Variants in MSI2 observed in about 807,000 individuals in gnomAD.
MSI2 encodes the protein musashi RNA binding protein 2, also known as RNA-binding protein Musashi homolog 2.
Under a neutral mutation model 45.6 loss-of-function variants are expected in MSI2, and 17 were observed. That is an observed-to-expected ratio of 0.37 (90% CI 0.26 to 0.56). The LOEUF (loss-of-function observed/expected upper bound fraction) is 0.56, where lower values mean the gene tolerates loss of function less well. Ranked by LOEUF, MSI2 falls within the 20% of genes least tolerant of loss-of-function variation. The pLI is 0.77. For synonymous variants in MSI2, 156 were observed against 158.2 expected (o/e 0.99, Z 0.11); for missense variants, 293 against 444.2 (o/e 0.66, Z 3.06).
intron 6 of MSI2, among the ~76,000 whole-genome samples, chr17:57,461,370 A>G (rs1229573295): frequency 6.6e-6 from 1 of 152,158 alleles, no homozygotes; most frequent in Non-Finnish European, 1.5e-5. Flanking sequence ...GTACAGAAAA[A>G]CAGAGTGCTG....
At chr17:57,583,488 C>CTTTTTTTTTTTTCTTTTTTTTTT (rs2088259367) in intron 7 of MSI2, among the ~76,000 whole-genome samples, 1 of 98,044 alleles carries the variant, frequency 1.0e-5, no homozygotes, top group African/African-American at 3.9e-5. Flanking sequence ...CCCAATGTTT[C>CTTTTTTTTTTTTCTTTTTTTTTT]TTTTTTTTTT....
chr17:57,564,213 A>C (rs1029629329), intron 7 of MSI2, among the ~76,000 whole-genome samples: 1 of 152,196 alleles, frequency 6.6e-6, no homozygotes, highest in African/African-American at 2.4e-5. Flanking sequence ...AGCAGTAATT[A>C]AGAATTGCCC....
At chr17:57,385,741 T>C (rs2083674455) in intron 5 of MSI2, among the ~76,000 whole-genome samples, 1 of 152,262 alleles carries the variant, frequency 6.6e-6, no homozygotes, top group Non-Finnish European at 1.5e-5. Flanking sequence ...GCCCTGACTC[T>C]ACTGACATAG....
chr17:57,447,474 ACCTGTT>A (rs1741613616), intron 6 of MSI2, among the ~76,000 whole-genome samples: 1 of 151,898 alleles, frequency 6.6e-6, no homozygotes, highest in Non-Finnish European at 1.5e-5. Context: ...GTTGTGGAGG[ACCTGTT>A]CCATGTTTTA....
intron 5 of MSI2, among the ~76,000 whole-genome samples, chr17:57,369,468 G>A (rs551915647): frequency 1.2e-4 from 19 of 152,296 alleles, no homozygotes; most frequent in Middle Eastern, 3.4e-3. Flanking sequence ...TACTTAATAG[G>A]CATGCTTAAA....
At position 57,603,450 on chromosome 17, in the gene MSI2, G is replaced by C. The variant is rs376388278; in HGVS notation, c.537+6500G>C. Among the ~76,000 whole-genome samples, 12 of 152,384 alleles carry C rather than the reference G, an allele frequency of 7.9e-5. No homozygotes were observed. In the South Asian group the frequency reaches 8.3e-4, roughly 11 times the overall value. On this transcript the variant is annotated intron_variant, in intron 8 of 13. Transcript: ENST00000284073. ...GCGAGTGCCCTACCTGTCTGCACCA[G>C]TTTGCTCCTGTGGGAAATCAGAAGG...
At chr17:57,698,047 ACACATTGCCACACTCT>A in the MSI2 span, among the ~76,000 whole-genome samples, 1 of 151,696 alleles carries the variant, frequency 6.6e-6, no homozygotes, top group African/African-American at 2.4e-5. Flanking sequence ...CACTGTTACC[ACACATTGCCACACTCT>A]CCCACAGACA....
intron 6 of MSI2, among the ~76,000 whole-genome samples, chr17:57,414,303 T>C (rs1350282463): frequency 6.6e-6 from 1 of 152,012 alleles, no homozygotes; most frequent in Non-Finnish European, 1.5e-5. Flanking sequence ...TGGTGCTCAG[T>C]AAACAGTGGT....
At chr17:57,307,110 T>A (rs541170215) in intron 5 of MSI2, among the ~76,000 whole-genome samples, 1 of 152,336 alleles carries the variant, frequency 6.6e-6, no homozygotes, top group South Asian at 2.1e-4. Flanking sequence ...CTTAGGAGTT[T>A]TTCCTCTATT....
chr17:57,526,352 C>T (rs1391484264), intron 6 of MSI2, among the ~76,000 whole-genome samples: 12 of 112,308 alleles, frequency 1.1e-4, no homozygotes, highest in Non-Finnish European at 1.9e-4. Flanking sequence ...CCCTGATATA[C>T]CTGGGTGTGT....
chr17:57,319,341 G>T (rs1466438427), intron 5 of MSI2, among the ~76,000 whole-genome samples: 23 of 152,242 alleles, frequency 1.5e-4, no homozygotes. Flanking sequence ...ATGTGTTTCG[G>T]TGGCATGGCC....
chr17:57,474,492 C>T (rs1013041994), intron 6 of MSI2, among the ~76,000 whole-genome samples: 1 of 152,136 alleles, frequency 6.6e-6, no homozygotes, highest in African/African-American at 2.4e-5. Context: ...CGCAGCATCT[C>T]TGGCCTTTAC....
intron 9 of MSI2, among the ~76,000 whole-genome samples, chr17:57,620,058 A>G (rs1231401168): frequency 2.0e-5 from 3 of 152,142 alleles, no homozygotes; most frequent in Non-Finnish European, 4.4e-5. Flanking sequence ...CTAACCAAGT[A>G]GAGAACCCTT....
Position 57,417,359 on chromosome 17 carries a change from G to A in MSI2, c.405+15888G>A, listed in dbSNP as rs75210903. On this transcript the variant is annotated intron_variant, in intron 6 of 13. Coordinates refer to ENST00000284073, the MANE Select transcript of MSI2 (RefSeq NM_138962.4). ...CATTTTGGAAAGAACCACATGGAGA[G>A]GGCTCACTTCCATGGACCTGAAATC... 3.5e-3 allele frequency among the ~76,000 whole-genome samples: 540 copies of A among 152,244 alleles called. 1 individual carries two copies. Among genetic ancestry groups the A allele is most frequent in the Non-Finnish European group, 5.9e-3 (402 of 68,020 alleles).
At position 57,682,325 on chromosome 17, in the gene MSI2, C is replaced by CCA. The variant is rs1555643247; in HGVS notation, c.*2809_*2810insAC. Reference sequence around the variant, plus strand: ...CTACGGCGTTTTGTAGATCCCCCCCCCCCCACCCACTGTGAAGGGGTGCCA... The same window carrying CCA: ...CTACGGCGTTTTGTAGATCCCCCCCCCACCCCACCCACTGTGAAGGGGTGCCA... On this transcript the variant is annotated 3_prime_UTR_variant, in exon 14 of 14. Coordinates refer to ENST00000284073, the MANE Select transcript of MSI2 (RefSeq NM_138962.4). The CCA allele has an allele frequency of 1.8e-5, 3 of 170,842 alleles. No homozygotes were observed. The highest frequency in any genetic ancestry group is 3.7e-5 in the Non-Finnish European group (3 of 80,490). 10.6% of individuals were successfully genotyped at this position (170,842 alleles called of 1,614,324 possible).
chr17:57,383,169 C>T (rs2083626944), intron 5 of MSI2, among the ~76,000 whole-genome samples: 1 of 152,140 alleles, frequency 6.6e-6, no homozygotes, highest in Admixed American at 6.6e-5. Flanking sequence ...CCACAGATGC[C>T]ACTTGGAGAA....
chr17:57,264,591 A>T (rs145774729), intron 5 of MSI2: 1 of 152,348 alleles, frequency 6.6e-6, no homozygotes, highest in East Asian at 1.9e-4. Flanking sequence ...TAATGATACT[A>T]GTTGAATTTA....
chr17:57,495,255 G>A (rs1023851546), intron 6 of MSI2, among the ~76,000 whole-genome samples: 2 of 152,146 alleles, frequency 1.3e-5, no homozygotes, highest in South Asian at 2.1e-4. Context: ...CATATGGGCC[G>A]GGCACGGTGG....
intron 5 of MSI2, among the ~76,000 whole-genome samples, chr17:57,284,262 G>A (rs934367433): frequency 2.7e-4 from 41 of 152,102 alleles, no homozygotes; most frequent in African/African-American, 7.5e-4. Context: ...GCAGGGTTTC[G>A]AAGGTGGCCC....
Sources: gnomAD v4.1 joint callset for allele counts (sites outside exome capture counted in the v4.1 genomes callset) on GRCh38, gnomAD v4.1.1 for gene constraint, MANE v1.5 for transcripts, NCBI Gene and HGNC (gene_info 2026-07-23, HGNC 2026-07-21) for gene names.